Variants in CCDC18 observed in about 807,000 individuals in gnomAD.
The protein encoded by CCDC18 is coiled-coil domain-containing protein 18.
In CCDC18, 157 loss-of-function variants were observed where a neutral mutation model predicts 196.0. The observed-to-expected ratio is 0.80, with a 90% confidence interval of 0.70 to 0.91. The LOEUF (loss-of-function observed/expected upper bound fraction) is 0.91. CCDC18 is among the 40% of genes least tolerant of loss of function. The pLI is 0.00. For missense variants in CCDC18, 1,465 were observed against 1,611.6 expected, an observed-to-expected ratio of 0.91 and a Z score of 1.56; for synonymous variants, 482 against 529.2, an observed-to-expected ratio of 0.91 and a Z score of 1.22.
intron 21 of CCDC18, among the ~76,000 whole-genome samples, chr1:93,242,740 C>T (rs1412000217): frequency 2.0e-5 from 3 of 152,218 alleles, no homozygotes; most frequent in Non-Finnish European, 1.5e-5. Context: ...TGGGTAAATA[C>T]ACCCATTCCA....
At chr1:93,252,530 C>T (rs767707316) in intron 23 of CCDC18, among the ~76,000 whole-genome samples, 4 of 151,596 alleles carry the variant, frequency 2.6e-5, no homozygotes, top group African/African-American at 9.7e-5. Flanking sequence ...TGATTCCCTG[C>T]GTCGTCTTAG....
chr1:93,240,489 A>C (rs1239977772), intron 21 of CCDC18, among the ~76,000 whole-genome samples: 1 of 152,170 alleles, frequency 6.6e-6, no homozygotes, highest in South Asian at 2.1e-4. Flanking sequence ...ATTAGAGCCA[A>C]AGTATGAGAA....
intron 3 of CCDC18, 102 bp downstream of exon 3, chr1:93,184,248 A>C (rs965731399): frequency 6.8e-6 from 3 of 442,278 alleles, no homozygotes; most frequent in Non-Finnish European, 1.1e-5. Flanking sequence ...AAAGAAAAAA[A>C]TTTTTTCTTT....
At chr1:93,241,577 CCAGGTGTGGTGG>C (rs1191877884) in intron 21 of CCDC18, among the ~76,000 whole-genome samples, 1 of 151,646 alleles carries the variant, frequency 6.6e-6, no homozygotes, top group Admixed American at 6.6e-5. Flanking sequence ...CAAAAATCAG[CCAGGTGTGGTGG>C]CAGGTGTGTG....
intron 26 of CCDC18, among the ~76,000 whole-genome samples, chr1:93,264,339 A>G (rs964332983): frequency 7.9e-5 from 12 of 152,160 alleles, no homozygotes; most frequent in Non-Finnish European, 1.8e-4. Context: ...GAACAGAACC[A>G]CAATACCATG....
chr1:93,256,535 G>C lies in CCDC18; in HGVS notation c.3543G>C (p.Glu1181Asp), dbSNP rs373889271. The change falls in exon 25 of 29, where the codon GAG becomes GAC. Residue 1181 changes from glutamate (E) to aspartate (D), a missense_variant. Coordinates refer to ENST00000690025, the MANE Select transcript of CCDC18 (RefSeq NM_001378204.1). ...ELEDMKQLSK[E>D]KDAHGNHLAE... is the part of the protein sequence containing the mutation. ...AGGATATGAAGCAACTCTCTAAAGAGAAAGTAATCCCTATTTTAAATAATC... is the reference window on the plus strand; with the variant it reads ...AGGATATGAAGCAACTCTCTAAAGACAAAGTAATCCCTATTTTAAATAATC... The C allele has an allele frequency of 1.1e-5, 18 of 1,606,878 alleles. No homozygotes were observed. The African/African-American group carries it at 2.1e-4, about 19-fold the overall frequency.
At chr1:93,190,967 A>C (rs1651660010) in intron 4 of CCDC18, 2 of 972,552 alleles carry the variant, frequency 2.1e-6, no homozygotes, top group African/African-American at 1.5e-5. Flanking sequence ...GCATACAGAG[A>C]ATCCTTGCCC....
At chr1:93,242,282 C>G (rs1055953843) in intron 21 of CCDC18, among the ~76,000 whole-genome samples, 15 of 152,072 alleles carry the variant, frequency 9.9e-5, no homozygotes, top group Non-Finnish European at 1.5e-4. Flanking sequence ...CTGGGGAGGC[C>G]TCACAATCAT....
intron 28 of CCDC18, chr1:93,273,412 T>C (rs1665460776): frequency 6.6e-6 from 1 of 152,172 alleles, no homozygotes; most frequent in African/African-American, 2.4e-5. Flanking sequence ...GGGTTTTTAG[T>C]TAAGGCACAG....
intron 15 of CCDC18, 42 bp from the exon 16 acceptor site, chr1:93,221,811 TTAAATC>T: frequency 6.3e-7 from 1 of 1,587,150 alleles, no homozygotes; most frequent in Non-Finnish European, 8.6e-7. Context: ...TAACTTGCCT[TTAAATC>T]TAATCAAATC....
At chr1:93,212,488 C>T (rs950170523) in intron 11 of CCDC18, among the ~76,000 whole-genome samples, 1 of 152,120 alleles carries the variant, frequency 6.6e-6, no homozygotes, top group African/African-American at 2.4e-5. Flanking sequence ...CTACTCCCTC[C>T]TTCCACCCTC....
intron 27 of CCDC18, among the ~76,000 whole-genome samples, chr1:93,267,670 A>C (rs2101450938): frequency 6.6e-6 from 1 of 152,338 alleles, no homozygotes; most frequent in South Asian, 2.1e-4. Context: ...CCAAATTATG[A>C]GTGAACTCCC....
At chr1:93,214,322 C>A (rs989829926) in intron 11 of CCDC18, among the ~76,000 whole-genome samples, 4 of 152,076 alleles carry the variant, frequency 2.6e-5, no homozygotes, top group Non-Finnish European at 5.9e-5. Flanking sequence ...AGCTTTTGAA[C>A]CTGCTTCTGT....
At chr1:93,226,023 A>G (rs112736923) in intron 16 of CCDC18, among the ~76,000 whole-genome samples, 100 of 152,246 alleles carry the variant, frequency 6.6e-4, no homozygotes, top group Non-Finnish European at 1.2e-3. Context: ...GCTTTTGCCA[A>G]CTTCTCACCA....
At chr1:93,246,251 C>CA (rs1557683955) in intron 22 of CCDC18, 47 bp downstream of exon 22, 1 of 1,356,348 alleles carries the variant, frequency 7.4e-7, no homozygotes, top group Non-Finnish European at 1.0e-6. Context: ...TGTTATGACA[C>CA]AGTCACACAG....
At chr1:93,190,724 A>C in intron 4 of CCDC18, 1 of 476,168 alleles carries the variant, frequency 2.1e-6, no homozygotes, top group Non-Finnish European at 3.8e-6. Flanking sequence ...CTTCATAATA[A>C]AACAAAAGAT....
intron 3 of CCDC18, among the ~76,000 whole-genome samples, chr1:93,185,847 C>G (rs1017999870): frequency 7.9e-5 from 12 of 151,660 alleles, no homozygotes; most frequent in South Asian, 6.2e-4. Context: ...AAATCACAAT[C>G]CTCATGAAAA....
upstream of CCDC18, chr1:93,180,593 T>C (rs762729646): frequency 2.9e-6 from 4 of 1,376,578 alleles, no homozygotes; most frequent in Non-Finnish European, 3.9e-6. Flanking sequence ...CCGGGCGGGC[T>C]CCGCTAGTGG....
At chr1:93,191,162 C>A (rs1265943083) in intron 4 of CCDC18, 7 of 457,652 alleles carry the variant, frequency 1.5e-5, no homozygotes, top group Middle Eastern at 6.3e-4. Context: ...TGGGATAACC[C>A]AAAATGAAAT....
Sources: gnomAD v4.1 joint callset for allele counts (sites outside exome capture counted in the v4.1 genomes callset) on GRCh38, gnomAD v4.1.1 for gene constraint, MANE v1.5 for transcripts, NCBI Gene and HGNC (gene_info 2026-07-23, HGNC 2026-07-21) for gene names.